The following PLBD1 variants were observed in gnomAD, a reference collection of about 807,000 sequenced individuals.
PLBD1 encodes lysosomal leucine aminopeptidase.
A neutral mutation model predicts 63.0 loss-of-function variants in PLBD1; 60 were observed. The observed-to-expected ratio is 0.95, with a 90% confidence interval of 0.77 to 1.18. PLBD1 has a LOEUF of 1.18. PLBD1 is among the 50% of genes most tolerant of loss of function. The probability of loss-of-function intolerance (pLI) is 0.00; values close to 1 mark genes in which losing one functional copy is unlikely to be tolerated. For synonymous variants in PLBD1, 262 were observed against 248.0 expected, an observed-to-expected ratio of 1.06 and a Z score of -0.53; for missense variants, 598 against 677.9, an observed-to-expected ratio of 0.88 and a Z score of 1.31.
At chr12:14,512,542 T>A (rs1247284456) in intron 6 of PLBD1, among the ~76,000 whole-genome samples, 1 of 152,198 alleles carries the variant, frequency 6.6e-6, no homozygotes, top group South Asian at 2.1e-4. Flanking sequence ...GGTCAATGCT[T>A]TTTTATAAAT....
intron 1 of PLBD1, chr12:14,553,695 T>C (rs1284898904): frequency 1.8e-5 from 9 of 487,408 alleles, no homozygotes; most frequent in Non-Finnish European, 2.6e-5. Context: ...AGGGTGGGAA[T>C]CTGGGCAGGG....
chr12:14,553,428 A>G lies in PLBD1; in HGVS notation c.116-16T>C, dbSNP rs2136931380. 6.3e-7 allele frequency: 1 copy of G among 1,597,378 alleles called. No homozygotes were observed. Among genetic ancestry groups the G allele is most frequent in the Non-Finnish European group, 8.6e-7 (1 of 1,165,500 alleles). On this transcript the variant is annotated splice_polypyrimidine_tract_variant and intron_variant, in intron 1 of 10. Coordinates refer to ENST00000240617, the MANE Select transcript of PLBD1 (RefSeq NM_024829.6). ...TAGTAGACTCCTAGAAGAAAAGGGAATAATGACAAAAACGCCATTCAAATG... is the reference window on the plus strand; with the variant it reads ...TAGTAGACTCCTAGAAGAAAAGGGAGTAATGACAAAAACGCCATTCAAATG...
chr12:14,531,867 T>C (rs7138548), intron 6 of PLBD1, among the ~76,000 whole-genome samples: 112,799 of 152,070 alleles, frequency 0.74, 42,999 homozygotes, highest in East Asian at 0.91. Context: ...GAGCTCAAGA[T>C]AATCCGCCCA....
At position 14,511,516 on chromosome 12, in the gene PLBD1, T is replaced by A. The variant is rs771708230; in HGVS notation, c.1040A>T (p.Asn347Ile). 6.2e-7 allele frequency: 1 copy of A among 1,614,148 alleles called. No individual in the cohort carries two copies. The highest frequency in any genetic ancestry group is 8.5e-7 in the Non-Finnish European group (1 of 1,180,024). The change falls in exon 7 of 11, where the codon AAC becomes ATC. Residue 347 changes from asparagine (N) to isoleucine (I), a missense_variant. Physicochemically the swap from Asn to Ile is moderately radical, Grantham distance 149 (BLOSUM62 -3). Coordinates refer to ENST00000240617, the MANE Select transcript of PLBD1 (RefSeq NM_024829.6). ...KRWADIFSKYNSGTYNNQYMV... is the reference protein window; with the variant it reads ...KRWADIFSKYISGTYNNQYMV... The stretch of plus-strand genomic sequence containing the variant: ...TATTCTGCAGGGTCACTTACCAGAG[T>A]TGTATTTTGAAAAGATGTCTGCCCA...
intron 5 of PLBD1, 55 bp downstream of exon 5, chr12:14,536,515 T>C (rs35754761): frequency 1.3e-6 from 2 of 1,587,674 alleles, no homozygotes; most frequent in South Asian, 2.2e-5. Context: ...TTGGGCGCTA[T>C]ATAGAAAAAG....
At chr12:14,525,275 T>TAAATA (rs1211146405) in intron 6 of PLBD1, among the ~76,000 whole-genome samples, 1 of 151,024 alleles carries the variant, frequency 6.6e-6, no homozygotes, top group Non-Finnish European at 1.5e-5. Flanking sequence ...AATAAATAAA[T>TAAATA]AAATAAAATA....
chr12:14,515,328 A>C (rs1220317672), intron 6 of PLBD1, among the ~76,000 whole-genome samples: 1 of 152,174 alleles, frequency 6.6e-6, no homozygotes, highest in Non-Finnish European at 1.5e-5. Context: ...GAAGATGATC[A>C]AGACAGGTCT....
At chr12:14,543,388 T>C (rs1945590598) in intron 2 of PLBD1, among the ~76,000 whole-genome samples, 1 of 152,200 alleles carries the variant, frequency 6.6e-6, no homozygotes, top group South Asian at 2.1e-4. Flanking sequence ...TTCAAAGATT[T>C]AGTTTTACCT....
rs945165145 is a variant in PLBD1 at position 14,542,738 on chromosome 12, C to T, written c.336-447G>A. 6.6e-5 allele frequency among the ~76,000 whole-genome samples: 10 copies of T among 152,144 alleles called. No individual in the cohort carries two copies. In the East Asian group the frequency reaches 9.7e-4, roughly 15 times the overall value. ...AATGTATAGAATTATTTATCATGTTCGCAACACACTATAAAAAAGATCATA... is the reference window on the plus strand; with the variant it reads ...AATGTATAGAATTATTTATCATGTTTGCAACACACTATAAAAAAGATCATA... On this transcript the variant is annotated intron_variant, in intron 2 of 10. Coordinates refer to ENST00000240617, the MANE Select transcript of PLBD1 (RefSeq NM_024829.6).
At chr12:14,508,876 GT>G (rs1224018670) in intron 8 of PLBD1, among the ~76,000 whole-genome samples, 2 of 152,094 alleles carry the variant, frequency 1.3e-5, no homozygotes, top group Non-Finnish European at 2.9e-5. Context: ...TTTCAGAGAG[GT>G]CAATTGTCTT....
intron 8 of PLBD1, among the ~76,000 whole-genome samples, chr12:14,508,863 G>C (rs1185233977): frequency 6.6e-6 from 1 of 152,064 alleles, no homozygotes; most frequent in African/African-American, 2.4e-5. Context: ...AGAAGAAACA[G>C]AGTTTCAGAG....
chr12:14,514,885 C>A (rs150309211), intron 6 of PLBD1, among the ~76,000 whole-genome samples: 1 of 152,144 alleles, frequency 6.6e-6, no homozygotes, highest in African/African-American at 2.4e-5. Flanking sequence ...AAATTATAAT[C>A]TTGCTCTCAT....
rs545347742 is a variant in PLBD1, at chr12:14,521,868, G to C, written c.845-10157C>G. Among the ~76,000 whole-genome samples the C allele has an allele frequency of 2.6e-3, 399 of 151,972 alleles. 3 individuals carry two copies. Among genetic ancestry groups the C allele is most frequent in the African/African-American group, 9.4e-3 (388 of 41,450 alleles). On this transcript the variant is annotated intron_variant, in intron 6 of 10. Coordinates refer to ENST00000240617, the MANE Select transcript of PLBD1 (RefSeq NM_024829.6). ...ATATGATCTTAAGGAAAATCAATGAGATTCAAGATAATATAGATAGGCAAT... is the reference window on the plus strand; with the variant it reads ...ATATGATCTTAAGGAAAATCAATGACATTCAAGATAATATAGATAGGCAAT...
At chr12:14,566,757 C>A (rs561514568) in intron 1 of PLBD1, among the ~76,000 whole-genome samples, 34 of 147,704 alleles carry the variant, frequency 2.3e-4, no homozygotes, top group Admixed American at 2.0e-3. Flanking sequence ...TTCTCATCTG[C>A]AGAATGGGGA....
intron 6 of PLBD1, among the ~76,000 whole-genome samples, chr12:14,529,044 A>C (rs975396749): frequency 3.3e-5 from 5 of 152,108 alleles, no homozygotes; most frequent in African/African-American, 4.8e-5. Flanking sequence ...TAAAGAAGAA[A>C]ATGGGCTGGG....
chr12:14,530,768 A>C (rs74836759), intron 6 of PLBD1, among the ~76,000 whole-genome samples: 2,670 of 152,272 alleles, frequency 0.018, 70 homozygotes, highest in African/African-American at 0.061. Flanking sequence ...TTTTCTAGTG[A>C]TTTATCTCTT....
chr12:14,506,346 TGTTAAAGCCTA>T, intron 9 of PLBD1, 78 bp from the exon 10 acceptor site: 1 of 1,026,988 alleles, frequency 9.7e-7, no homozygotes, highest in South Asian at 1.4e-5. Flanking sequence ...TTTTGAGGCC[TGTTAAAGCCTA>T]GATAATCAGA....
chr12:14,531,975 A>C (rs1479500903), intron 6 of PLBD1, among the ~76,000 whole-genome samples: 1 of 152,212 alleles, frequency 6.6e-6, no homozygotes, highest in Non-Finnish European at 1.5e-5. Context: ...TAAAAAGATA[A>C]AAGAACAGGC....
At chr12:14,540,106 T>TTTTTTTTATATATATA (rs71448876) in intron 4 of PLBD1, among the ~76,000 whole-genome samples, 2 of 64,032 alleles carry the variant, frequency 3.1e-5, no homozygotes, top group African/African-American at 1.2e-4. Flanking sequence ...AATATAAATA[T>TTTTTTTTATATATATA]TATTTATATA....
Sources: gnomAD v4.1 joint callset for allele counts (sites outside exome capture counted in the v4.1 genomes callset) on GRCh38, gnomAD v4.1.1 for gene constraint, MANE v1.5 for transcripts, NCBI Gene and HGNC (gene_info 2026-07-23, HGNC 2026-07-21) for gene names.